Variants in PALM2AKAP2 observed in about 807,000 individuals in gnomAD.
PALM2AKAP2 encodes PALM2 and AKAP2 fusion.
A neutral mutation model predicts 71.5 loss-of-function variants in PALM2AKAP2; 37 were observed. The ratio of observed to expected loss-of-function variants is 0.52; its 90% CI spans 0.40 to 0.68. The LOEUF (loss-of-function observed/expected upper bound fraction) is 0.68, where lower values mean the gene tolerates loss of function less well. Among genes scored for constraint, PALM2AKAP2 ranks in the 30% least tolerant of loss-of-function variants. The pLI, the probability that PALM2AKAP2 is intolerant of heterozygous loss-of-function variation, is 0.00. For missense variants in PALM2AKAP2, 1,224 were observed against 1,191.8 expected, an observed-to-expected ratio of 1.03 and a Z score of -0.40; for synonymous variants, 468 against 478.8, an observed-to-expected ratio of 0.98 and a Z score of 0.29.
chr9:109,963,049 G>A (rs943905675), intron 6 of PALM2AKAP2, among the ~76,000 whole-genome samples: 1 of 152,168 alleles, frequency 6.6e-6, no homozygotes, highest in African/African-American at 2.4e-5. Context: ...ACTCTGGTCT[G>A]GAACTTTAGG....
intron 6 of PALM2AKAP2, among the ~76,000 whole-genome samples, chr9:109,988,736 C>A (rs1228381791): frequency 6.6e-6 from 1 of 152,078 alleles, no homozygotes; most frequent in Non-Finnish European, 1.5e-5. Context: ...AAAGAAAAAG[C>A]AAGCAAACAA....
chr9:110,040,663 A>ATT (rs200411986), intron 7 of PALM2AKAP2, among the ~76,000 whole-genome samples: 1 of 151,948 alleles, frequency 6.6e-6, no homozygotes, highest in Non-Finnish European at 1.5e-5. Flanking sequence ...TTACAGTCGT[A>ATT]TTTTTTTTAA....
intron 1 of PALM2AKAP2, among the ~76,000 whole-genome samples, chr9:109,827,563 C>G (rs7467194): frequency 1.3e-5 from 2 of 151,876 alleles, no homozygotes; most frequent in Admixed American, 1.3e-4. Flanking sequence ...GAGCCGGGAT[C>G]GCACCACTGC....
At chr9:109,841,183 G>T (rs1190478328) in intron 1 of PALM2AKAP2, among the ~76,000 whole-genome samples, 1 of 152,008 alleles carries the variant, frequency 6.6e-6, no homozygotes, top group South Asian at 2.1e-4. Flanking sequence ...ATACTATGCT[G>T]CCATAAAAAA....
chr9:109,880,094 T>C (rs1188779617), intron 2 of PALM2AKAP2, among the ~76,000 whole-genome samples: 1 of 152,244 alleles, frequency 6.6e-6, no homozygotes, highest in Non-Finnish European at 1.5e-5. Context: ...TTGACAATCT[T>C]TTTAAAACAC....
exon 2 of PALM2AKAP2, chr9:110,138,477 A>G (rs1462140190): frequency 6.2e-7 from 1 of 1,614,184 alleles, no homozygotes; most frequent in East Asian, 2.2e-5. Context: ...CAGAGTACGC[A>G]GAGCCCCAGG....
At chr9:110,030,876 G>A (rs979965980) in intron 7 of PALM2AKAP2, among the ~76,000 whole-genome samples, 6 of 152,288 alleles carry the variant, frequency 3.9e-5, no homozygotes, top group Admixed American at 6.5e-5. Flanking sequence ...TGCATACCAC[G>A]AGCTGGTCTG....
intron 1 of PALM2AKAP2, among the ~76,000 whole-genome samples, chr9:109,650,054 G>A (rs774555149): frequency 2.2e-4 from 34 of 152,174 alleles, no homozygotes; most frequent in Non-Finnish European, 4.6e-4. Flanking sequence ...GCCTTGAGAT[G>A]ATTCCTCCAT....
intron 3 of PALM2AKAP2, among the ~76,000 whole-genome samples, chr9:109,901,178 A>G (rs1019401912): frequency 5.9e-5 from 9 of 152,182 alleles, no homozygotes; most frequent in African/African-American, 2.2e-4. Context: ...GAGTTACTGG[A>G]TAATGCTGTC....
intron 1 of PALM2AKAP2, among the ~76,000 whole-genome samples, chr9:109,680,093 T>A (rs1409487364): frequency 1.3e-5 from 2 of 152,220 alleles, no homozygotes; most frequent in East Asian, 3.8e-4. Flanking sequence ...CCACTTTTGA[T>A]CAATGACTCA....
At chr9:110,091,519 G>GGCC (rs1834711742) in intron 1 of PALM2AKAP2, among the ~76,000 whole-genome samples, 1 of 141,570 alleles carries the variant, frequency 7.1e-6, no homozygotes, top group South Asian at 2.3e-4. Context: ...CTGGGGTGCA[G>GGCC]TAGCACGATC....
intron 1 of PALM2AKAP2, among the ~76,000 whole-genome samples, chr9:110,091,694 C>A (rs531717026): frequency 6.6e-6 from 1 of 152,092 alleles, no homozygotes; most frequent in East Asian, 1.9e-4. Flanking sequence ...GATCTCCTGA[C>A]CTCATGATCT....
At chr9:110,033,142 G>T (rs781114982) in intron 7 of PALM2AKAP2, among the ~76,000 whole-genome samples, 1 of 152,038 alleles carries the variant, frequency 6.6e-6, no homozygotes, top group Non-Finnish European at 1.5e-5. Context: ...TGTTTGAGTT[G>T]GTTCTTGCAA....
At chr9:110,133,643 A>G (rs1835782832) in intron 1 of PALM2AKAP2, among the ~76,000 whole-genome samples, 1 of 152,004 alleles carries the variant, frequency 6.6e-6, no homozygotes, top group Non-Finnish European at 1.5e-5. Flanking sequence ...CCAGCTTCCT[A>G]CTGATTTCCC....
intron 1 of PALM2AKAP2, among the ~76,000 whole-genome samples, chr9:110,108,268 C>T (rs571163485): frequency 9.2e-5 from 14 of 151,852 alleles, no homozygotes; most frequent in South Asian, 4.2e-4. Flanking sequence ...CCTGCCACCA[C>T]GCCCAGCTAA....
intron 1 of PALM2AKAP2, among the ~76,000 whole-genome samples, chr9:109,653,590 G>A (rs1487440342): frequency 6.6e-6 from 1 of 152,144 alleles, no homozygotes; most frequent in Non-Finnish European, 1.5e-5. Flanking sequence ...CTTTCCCACT[G>A]CAATGTGCAT....
At chr9:110,146,910 G>A (rs1836187292) in intron 2 of PALM2AKAP2, among the ~76,000 whole-genome samples, 1 of 152,126 alleles carries the variant, frequency 6.6e-6, no homozygotes, top group African/African-American at 2.4e-5. Flanking sequence ...AAATGTGTGT[G>A]TATCTAACTC....
At chr9:109,869,610 T>C (rs1352624603) in intron 2 of PALM2AKAP2, among the ~76,000 whole-genome samples, 1 of 148,560 alleles carries the variant, frequency 6.7e-6, no homozygotes, top group East Asian at 2.0e-4. Flanking sequence ...AGTGCTGGGA[T>C]TGCATATTCA....
chr9:109,704,202 C>T (rs146585251), intron 1 of PALM2AKAP2, among the ~76,000 whole-genome samples: 1 of 152,306 alleles, frequency 6.6e-6, no homozygotes, highest in East Asian at 1.9e-4. Flanking sequence ...CGGATATTTA[C>T]CAGCTGGGCA....
Sources: gnomAD v4.1 joint callset for allele counts (sites outside exome capture counted in the v4.1 genomes callset) on GRCh38, gnomAD v4.1.1 for gene constraint, MANE v1.5 for transcripts, NCBI Gene and HGNC (gene_info 2026-07-23, HGNC 2026-07-21) for gene names.